CFAP92: variants seen among roughly 807,000 people sequenced by gnomAD.
CFAP92 encodes uncharacterized protein CFAP92.
CFAP92 carries 86 observed loss-of-function variants against 106.3 expected under a neutral mutation model. The observed-to-expected ratio is 0.81, with a 90% CI of 0.68 to 0.97. The LOEUF is 0.97. Ranked by LOEUF, CFAP92 falls within the 50% of genes least tolerant of loss-of-function variation. The pLI is 0.00. For missense variants in CFAP92, 1,204 were observed against 1,283.8 expected (o/e 0.94, Z 0.95); for synonymous variants, 477 against 506.4 (o/e 0.94, Z 0.78).
intron 15 of CFAP92, among the ~76,000 whole-genome samples, chr3:128,911,079 G>A (rs899440370): frequency 5.3e-5 from 8 of 152,216 alleles, no homozygotes; most frequent in East Asian, 1.9e-4. Context: ...ATTTCGAGAT[G>A]GAGTTTCGCT....
At position 128,951,761 on chromosome 3, in the gene CFAP92, G is replaced by A. The variant is rs1379158171; in HGVS notation, c.1354-5786C>T. On this transcript the variant is annotated intron_variant, in intron 9 of 15. Transcript: ENST00000645291. ...CCTCCCTACCCCAGACACACACCAT[G>A]GAAAAAATCATGCCCCACCCCAGAA... Among the ~76,000 whole-genome samples, 5 of 152,070 alleles carry A rather than the reference G, an allele frequency of 3.3e-5. 1 individual carries two copies. The South Asian group carries it at 1.0e-3, about 32-fold the overall frequency.
the CFAP92 span, among the ~76,000 whole-genome samples, chr3:129,014,530 G>T: frequency 6.6e-6 from 1 of 152,146 alleles, no homozygotes; most frequent in Non-Finnish European, 1.5e-5. This position sits in a 1 kb window ranked among gnomAD's most constrained non-coding sequence, Gnocchi z 4.3. Context: ...ACTGGATTAG[G>T]GCCCACCCTA....
intron 3 of CFAP92, 125 bp from the exon 4 acceptor site, chr3:128,987,954 A>G: frequency 2.8e-6 from 2 of 725,408 alleles, no homozygotes; most frequent in East Asian, 2.7e-5. Context: ...GTGCCTGGTC[A>G]CTCTCCAGGC....
chr3:128,915,257 G>T lies in CFAP92; in HGVS notation c.3142C>A (p.Leu1048Met). The T allele has an allele frequency of 6.6e-7, 1 of 1,519,392 alleles. No homozygotes were observed. Among genetic ancestry groups the T allele is most frequent in the Non-Finnish European group, 8.8e-7 (1 of 1,132,572 alleles). 94.1% of individuals were successfully genotyped at this position (1,519,392 alleles called of 1,614,324 possible). The change falls in exon 15 of 16, where the codon CTG becomes ATG. Residue 1048 changes from leucine (L) to methionine (M), a missense_variant. Coordinates refer to ENST00000645291, the MANE Select transcript of CFAP92 (RefSeq NM_001394090.1). ...ELNEEWKENS[L>M]FANVLEPVLD... ...ACAGGCTCCAGTACATTAGCAAACA[G>T]GGAGTTTTCCTTCCACTCCTAAATT...
chr3:128,980,449 T>C (rs551993984), intron 4 of CFAP92, among the ~76,000 whole-genome samples: 2 of 151,956 alleles, frequency 1.3e-5, no homozygotes, highest in African/African-American at 4.8e-5. Context: ...TACCTCAATG[T>C]TGACAGCTGC....
intron 9 of CFAP92, among the ~76,000 whole-genome samples, chr3:128,959,694 C>T (rs1576527235): frequency 6.6e-6 from 1 of 152,206 alleles, no homozygotes; most frequent in East Asian, 1.9e-4. Flanking sequence ...AGGTTCATGA[C>T]CTGCATGTGA....
chr3:129,024,206 A>G, the CFAP92 span, among the ~76,000 whole-genome samples: 2 of 152,228 alleles, frequency 1.3e-5, no homozygotes, highest in South Asian at 2.1e-4. Flanking sequence ...CTGCTGTAAC[A>G]GAATACCACA....
At chr3:129,001,775 G>A (rs1944771353) in intron 1 of CFAP92, 7 of 1,543,206 alleles carry the variant, frequency 4.5e-6, no homozygotes, top group Admixed American at 3.9e-5. Flanking sequence ...ACGAGATCGT[G>A]GTGCTGGCCA....
chr3:128,924,768 A>G (rs975477843), intron 12 of CFAP92, among the ~76,000 whole-genome samples: 2 of 152,166 alleles, frequency 1.3e-5, no homozygotes, highest in Non-Finnish European at 2.9e-5. Flanking sequence ...AAACTAGAAG[A>G]ACATGTTTCC....
intron 9 of CFAP92, among the ~76,000 whole-genome samples, chr3:128,949,222 G>T (rs774412450): frequency 2.5e-4 from 38 of 152,276 alleles, no homozygotes; most frequent in Middle Eastern, 3.4e-3. Context: ...TTACCCTAAA[G>T]AACTGAAAAC....
At chr3:128,990,147 C>T (rs1035897884) in intron 2 of CFAP92, among the ~76,000 whole-genome samples, 2 of 152,196 alleles carry the variant, frequency 1.3e-5, no homozygotes, top group Admixed American at 6.5e-5. Context: ...AAATTAGAGA[C>T]ATATAATGGA....
chr3:128,933,177 T>G (rs1938589407), intron 11 of CFAP92, among the ~76,000 whole-genome samples, 180 bp from the exon 12 acceptor site: 1 of 152,176 alleles, frequency 6.6e-6, no homozygotes, highest in South Asian at 2.1e-4. Flanking sequence ...GGCAAAAGCC[T>G]CCTTCTCCAT....
chr3:128,933,759 T>G (rs1938666556), intron 11 of CFAP92, among the ~76,000 whole-genome samples: 1 of 152,182 alleles, frequency 6.6e-6, no homozygotes, highest in Non-Finnish European at 1.5e-5. Flanking sequence ...CTACCTCCTG[T>G]CACCTACCAG....
chr3:128,916,368 G>T, intron 12 of CFAP92, 97 bp from the exon 13 acceptor site: 1 of 837,322 alleles, frequency 1.2e-6, no homozygotes, highest in Non-Finnish European at 1.6e-6. Flanking sequence ...CTTAGCTGTG[G>T]TGCAGGTATT....
intron 8 of CFAP92, among the ~76,000 whole-genome samples, chr3:128,966,101 G>A (rs901970033): frequency 2.0e-5 from 3 of 152,184 alleles, no homozygotes; most frequent in South Asian, 2.1e-4. Flanking sequence ...GAAAACCAAC[G>A]TTCTAAACCT....
the CFAP92 span, among the ~76,000 whole-genome samples, chr3:129,010,661 C>T: frequency 3.4e-5 from 5 of 145,012 alleles, no homozygotes; most frequent in African/African-American, 1.2e-4. The surrounding 1 kb of genome is among the most constrained non-coding windows in gnomAD (Gnocchi z 4.3). Context: ...CCAAACTCAG[C>T]GGGTCCAGGG....
At chr3:128,989,402 GGGTGGGCCTCCCA>G (rs2107818123) in intron 2 of CFAP92, among the ~76,000 whole-genome samples, 1 of 152,132 alleles carries the variant, frequency 6.6e-6, no homozygotes, top group East Asian at 1.9e-4. Context: ...GGGGAGGGTG[GGGTGGGCCTCCCA>G]GGGGGACCTT....
At chr3:128,964,365 A>G (rs1346758964) in intron 9 of CFAP92, among the ~76,000 whole-genome samples, 4 of 152,168 alleles carry the variant, frequency 2.6e-5, no homozygotes, top group Admixed American at 6.6e-5. Flanking sequence ...CACCAGACCA[A>G]CTGAGACTGT....
intron 9 of CFAP92, among the ~76,000 whole-genome samples, chr3:128,960,740 A>G (rs1576532634): frequency 6.7e-6 from 1 of 150,076 alleles, no homozygotes; most frequent in East Asian, 2.0e-4. Context: ...GTACCCGTGA[A>G]CCCCTTCTCC....
Sources: gnomAD v4.1 joint callset for allele counts (sites outside exome capture counted in the v4.1 genomes callset) on GRCh38, gnomAD v4.1.1 for gene constraint, Gnocchi (gnomAD v3.1) non-coding constraint, MANE v1.5 for transcripts, NCBI Gene and HGNC (gene_info 2026-07-23, HGNC 2026-07-21) for gene names.